Variants in SLC6A12 observed in about 807,000 individuals in gnomAD.
SLC6A12 encodes the protein sodium- and chloride-dependent betaine transporter.
Under a neutral mutation model 73.3 loss-of-function variants are expected in SLC6A12, and 50 were observed. The observed-to-expected ratio is 0.68, with a 90% CI of 0.54 to 0.86. The LOEUF (loss-of-function observed/expected upper bound fraction) is 0.86, where lower values mean the gene tolerates loss of function less well. SLC6A12 is among the 40% of genes least tolerant of loss of function. The probability of loss-of-function intolerance (pLI) is 0.00; values close to 1 mark genes in which losing one functional copy is unlikely to be tolerated. For synonymous variants in SLC6A12, 304 were observed against 309.2 expected (o/e 0.98, Z 0.18); for missense variants, 648 against 772.8 (o/e 0.84, Z 1.92).
intron 15 of SLC6A12, among the ~76,000 whole-genome samples, chr12:191,592 G>GTTA (rs35911251): frequency 0.62 from 93,321 of 151,724 alleles, 28,844 homozygotes; most frequent in African/African-American, 0.67. Flanking sequence ...TGTCATTATT[G>GTTA]TTATTACTAT....
At chr12:204,927 A>T (rs189009046) in intron 3 of SLC6A12, 93 of 491,594 alleles carry the variant, frequency 1.9e-4, no homozygotes, top group Admixed American at 3.7e-4. Context: ...AGGCCTTGGA[A>T]GGGAAATTAG....
chr12:195,172 G>A (rs1469002913), intron 13 of SLC6A12, 53 bp downstream of exon 13: 1 of 1,181,398 alleles, frequency 8.5e-7, no homozygotes, highest in Non-Finnish European at 1.3e-6. Flanking sequence ...CCCCTGGCTG[G>A]CTAGACGGTC....
At chr12:196,353 G>A in intron 11 of SLC6A12, 92 bp from the exon 12 acceptor site, 1 of 1,450,790 alleles carries the variant, frequency 6.9e-7, no homozygotes, top group Non-Finnish European at 9.4e-7. Flanking sequence ...CATCCACACT[G>A]ATGCACAGGG....
At chr12:187,744 T>C (rs1204047983), downstream of SLC6A12, among the ~76,000 whole-genome samples, 3 of 151,980 alleles carry the variant, frequency 2.0e-5, no homozygotes, top group East Asian at 5.8e-4. Context: ...ATCCTGCTGA[T>C]TGGTCCATTT....
rs1488677811 is a variant in SLC6A12 at position 193,263 on chromosome 12, T to A, written c.1530+14A>T. On this transcript the variant is annotated intron_variant, in intron 14 of 15. Coordinates refer to ENST00000684302, the MANE Select transcript of SLC6A12 (RefSeq NM_001122848.3). ...GGGCAGGAAGGAATAGAGGGGCAGC[T>A]GGTGGGCACATACCAGGCAAAGTCC... is the stretch of plus-strand genomic sequence containing the variant. 6.3e-7 allele frequency: 1 copy of A among 1,584,238 alleles called. No individual in the cohort carries two copies. The highest frequency in any genetic ancestry group is 8.7e-7 in the Non-Finnish European group (1 of 1,153,062).
intron 4 of SLC6A12, chr12:203,846 G>C (rs1418492782): frequency 6.6e-6 from 1 of 152,434 alleles, no homozygotes; most frequent in East Asian, 1.9e-4. Context: ...CGGCAGCTCC[G>C]GGAGAGGGGA....
chr12:199,301 G>A (rs982904987), intron 7 of SLC6A12, among the ~76,000 whole-genome samples: 17 of 152,216 alleles, frequency 1.1e-4, no homozygotes, highest in South Asian at 4.1e-4. Flanking sequence ...ATTTCCATAT[G>A]TGTATATAAT....
chr12:187,069 A>C (rs925110762), downstream of SLC6A12, among the ~76,000 whole-genome samples: 3 of 152,218 alleles, frequency 2.0e-5, no homozygotes, highest in Non-Finnish European at 4.4e-5. Context: ...GGTGTGACAG[A>C]AGTGGGAAGA....
downstream of SLC6A12, among the ~76,000 whole-genome samples, chr12:185,733 C>T (rs371627975): frequency 4.7e-4 from 72 of 152,308 alleles, 2 homozygotes; most frequent in South Asian, 0.012. Flanking sequence ...TCAGACCTGA[C>T]AGGCCATCTG....
chr12:196,730 G>T, intron 11 of SLC6A12, 40 bp downstream of exon 11: 1 of 1,419,122 alleles, frequency 7.0e-7, no homozygotes, highest in Non-Finnish European at 9.9e-7. Context: ...GCTTGCAAGA[G>T]GGTCACCACG....
chr12:193,362 T>C lies in SLC6A12; in HGVS notation c.1445A>G (p.Tyr482Cys), dbSNP rs150581150. ...ISWVYGADRF[Y>C]DNIEDMIGYR... Reference sequence around the variant, plus strand: ...GCCAATCATGTCCTCAATGTTGTCATAGAAACGGTCCGCCCCTGAGCAGGC... The same window carrying C: ...GCCAATCATGTCCTCAATGTTGTCACAGAAACGGTCCGCCCCTGAGCAGGC... The change falls in exon 14 of 16, where the codon TAT becomes TGT. Residue 482 changes from tyrosine to cysteine, a missense_variant. Transcript: ENST00000684302. 5 of 1,613,700 alleles carry C rather than the reference T, an allele frequency of 3.1e-6. No homozygotes were observed. The African/African-American group carries it at 5.3e-5, about 17-fold the overall frequency.
intron 6 of SLC6A12, 48 bp from the exon 7 acceptor site, chr12:200,831 C>G: frequency 6.3e-7 from 1 of 1,579,334 alleles, no homozygotes; most frequent in Non-Finnish European, 8.6e-7. Context: ...CTAAAGGGGA[C>G]AGTTTGCGTC....
chr12:186,553 T>C (rs948200368), downstream of SLC6A12, among the ~76,000 whole-genome samples: 1 of 152,218 alleles, frequency 6.6e-6, no homozygotes, highest in African/African-American at 2.4e-5. Flanking sequence ...CTGCTGCCAC[T>C]AGAAGCCTTG....
downstream of SLC6A12, among the ~76,000 whole-genome samples, chr12:187,678 G>GT (rs893656555): frequency 6.3e-5 from 9 of 143,838 alleles, no homozygotes; most frequent in African/African-American, 2.4e-4. Context: ...ACCCCAGCGG[G>GT]TTACCACTAG....
At chr12:201,976 C>A in intron 5 of SLC6A12, 127 bp from the exon 6 acceptor site, 3 of 721,622 alleles carry the variant, frequency 4.2e-6, no homozygotes. Context: ...TTTGGAGCCC[C>A]CACTCTCCAG....
intron 2 of SLC6A12, chr12:211,149 G>A (rs138291976): frequency 6.2e-4 from 95 of 152,350 alleles, no homozygotes; most frequent in African/African-American, 2.2e-3. Context: ...GAGGGGTATT[G>A]AGGGAATCAA....
chr12:187,579 T>TGCAAAAGAGCAAAAGAGCAAAAGA (rs1464785564), downstream of SLC6A12, among the ~76,000 whole-genome samples: 4 of 92,918 alleles, frequency 4.3e-5, no homozygotes, highest in African/African-American at 1.9e-4. Context: ...CAAGATTTAC[T>TGCAAAAGAGCAAAAGAGCAAAAGA]GCAAAAGAGC....
At chr12:210,296 A>G (rs1230010641) in intron 2 of SLC6A12, 1 of 1,211,630 alleles carries the variant, frequency 8.3e-7, no homozygotes, top group Non-Finnish European at 1.0e-6. Context: ...CCGTGATGAA[A>G]ACTCAGGCTC....
At position 201,430 on chromosome 12, in the gene SLC6A12, G is replaced by A. The variant is rs138791631; in HGVS notation, c.578+332C>T. On this transcript the variant is annotated intron_variant, in intron 6 of 15. Transcript: ENST00000684302. ...TGGCATGACACCACCGAGCATGGCA[G>A]TGGGAAGAGACATGCACACTCAGCT... The A allele has an allele frequency of 8.6e-4, 250 of 290,204 alleles. 1 individual carries two copies. The East Asian group carries it at 0.012, about 14-fold the overall frequency. The allele number at this position is 290,204 out of a possible 1,614,324, so 18.0% of individuals were successfully genotyped here.
Sources: allele counts gnomAD v4.1 joint callset (sites outside exome capture counted in the v4.1 genomes callset), GRCh38; gene constraint gnomAD v4.1.1; transcripts MANE v1.5; gene names NCBI Gene and HGNC (gene_info 2026-07-23, HGNC 2026-07-21).